Variants in SEMA3E observed in about 807,000 individuals in gnomAD.
The protein encoded by SEMA3E is semaphorin-3E.
Under a neutral mutation model 93.6 loss-of-function variants are expected in SEMA3E, and 49 were observed. The ratio of observed to expected loss-of-function variants is 0.52; its 90% CI spans 0.42 to 0.66. The LOEUF is 0.66. Ranked by LOEUF, SEMA3E falls within the 30% of genes least tolerant of loss-of-function variation. The pLI is 0.00. For missense variants in SEMA3E, 906 were observed against 964.8 expected (o/e 0.94, Z 0.81); for synonymous variants, 363 against 330.7 (o/e 1.10, Z -1.06).
At chr7:83,636,207 A>G (rs1170289656) in intron 1 of SEMA3E, among the ~76,000 whole-genome samples, 1 of 152,148 alleles carries the variant, frequency 6.6e-6, no homozygotes, top group African/African-American at 2.4e-5. Context: ...ATATTTTCTG[A>G]ATAATTTTAA....
At chr7:83,380,982 G>A (rs1787765167) in intron 16 of SEMA3E, among the ~76,000 whole-genome samples, 1 of 151,860 alleles carries the variant, frequency 6.6e-6, no homozygotes, top group African/African-American at 2.4e-5. Context: ...GGTCTTGAAG[G>A]CATGAACACA....
intron 1 of SEMA3E, among the ~76,000 whole-genome samples, chr7:83,560,099 G>A (rs1303165403): frequency 1.3e-5 from 2 of 151,976 alleles, no homozygotes; most frequent in East Asian, 1.9e-4. Flanking sequence ...AAAAGAGGAC[G>A]TTTAGGGAAG....
intron 1 of SEMA3E, among the ~76,000 whole-genome samples, chr7:83,509,577 A>G (rs933895476): frequency 5.9e-5 from 9 of 152,186 alleles, no homozygotes; most frequent in African/African-American, 2.2e-4. Context: ...ACCAACTTAT[A>G]TCTATGGTAA....
Position 83,400,197 on chromosome 7 carries a change from A to T in SEMA3E, c.1197T>A (p.Asp399Glu). ...GRYGTTKDYP[D>E]DAIRFARSHP... ...GACTTCTTGCAAATCGGATGGCATC[A>T]TCAGGATAGTCCTTGGTGGTTCCGT... Residue 399 changes from aspartate to glutamate, a missense_variant, in exon 11 of 17, where the codon GAT becomes GAA. Physicochemically the swap from Asp to Glu is conservative, Grantham distance 45 (BLOSUM62 2). Transcript: ENST00000643230. 1 of 1,614,038 alleles carries T rather than the reference A, an allele frequency of 6.2e-7. No homozygotes were observed. Among genetic ancestry groups the T allele is most frequent in the Non-Finnish European group, 8.5e-7 (1 of 1,179,946 alleles).
At position 83,394,216 on chromosome 7, in the gene SEMA3E, T is replaced by G. The variant is rs1232191809; in HGVS notation, c.1500+81A>C. ...TAAGTTCATATTTAAGCACATGTACTAATGTTCTCATATCCTTTGACCTTA... is the reference window on the plus strand; with the variant it reads ...TAAGTTCATATTTAAGCACATGTACGAATGTTCTCATATCCTTTGACCTTA... On this transcript the variant is annotated intron_variant, in intron 13 of 16. Transcript: ENST00000643230. 35 of 1,416,694 alleles carry G rather than the reference T, an allele frequency of 2.5e-5. No homozygotes were observed. In the South Asian group the frequency reaches 3.7e-4, roughly 15 times the overall value. The allele number at this position is 1,416,694 out of a possible 1,614,324, so 87.8% of individuals were successfully genotyped here.
chr7:83,495,132 G>A (rs565018635), intron 1 of SEMA3E, among the ~76,000 whole-genome samples: 3 of 151,724 alleles, frequency 2.0e-5, no homozygotes, highest in Non-Finnish European at 2.9e-5. Flanking sequence ...GCCTGCTGTC[G>A]ATAGCTTTTC....
chr7:83,438,812 T>C (rs1789054065), intron 4 of SEMA3E, among the ~76,000 whole-genome samples: 1 of 152,078 alleles, frequency 6.6e-6, no homozygotes, highest in Non-Finnish European at 1.5e-5. Context: ...ATAAAATGAG[T>C]AAACATTTAT....
At chr7:83,584,265 G>C (rs549886455) in intron 1 of SEMA3E, among the ~76,000 whole-genome samples, 1 of 151,898 alleles carries the variant, frequency 6.6e-6, no homozygotes, top group Non-Finnish European at 1.5e-5. Flanking sequence ...TGAGTATCTC[G>C]GAAGGAAGTT....
intron 1 of SEMA3E, among the ~76,000 whole-genome samples, chr7:83,585,528 A>C (rs1459559299): frequency 6.6e-6 from 1 of 152,152 alleles, no homozygotes; most frequent in Non-Finnish European, 1.5e-5. Flanking sequence ...ATATTACATG[A>C]AGAATTTATA....
intron 4 of SEMA3E, among the ~76,000 whole-genome samples, chr7:83,433,964 G>A (rs1474201703): frequency 1.3e-5 from 2 of 151,882 alleles, no homozygotes; most frequent in Non-Finnish European, 2.9e-5. Context: ...CATAGATTTT[G>A]TATTTCTATA....
intron 1 of SEMA3E, among the ~76,000 whole-genome samples, chr7:83,511,446 A>G (rs1790816682): frequency 6.6e-6 from 1 of 152,162 alleles, no homozygotes; most frequent in African/African-American, 2.4e-5. Flanking sequence ...TGAGCTTTTC[A>G]GAAGGTCTGA....
rs369194169 is a variant in SEMA3E, at chr7:83,385,130, T to C, written c.1875+164A>G. The stretch of plus-strand genomic sequence containing the variant: ...TCTATATGTATATATATTTAAATTA[T>C]TGTGTGTATATAAATCACACATAAC... On this transcript the variant is annotated intron_variant, in intron 16 of 16. Transcript: ENST00000643230. Among the ~76,000 whole-genome samples the C allele has an allele frequency of 2.6e-5, 4 of 151,370 alleles. No individual in the cohort carries two copies. The East Asian group carries it at 5.8e-4, about 22-fold the overall frequency.
chr7:83,424,810 C>T (rs193125211), intron 4 of SEMA3E: 73 of 171,768 alleles, frequency 4.2e-4, no homozygotes, highest in East Asian at 7.8e-4. Flanking sequence ...GAAAGCCAAC[C>T]GGGATGATGC....
At chr7:83,379,168 C>T (rs374325943) in intron 16 of SEMA3E, among the ~76,000 whole-genome samples, 2 of 151,644 alleles carry the variant, frequency 1.3e-5, no homozygotes, top group African/African-American at 2.4e-5. Flanking sequence ...ACTGCACTCT[C>T]ACTTATAAAT....
intron 1 of SEMA3E, among the ~76,000 whole-genome samples, chr7:83,636,593 T>A (rs1288652417): frequency 6.6e-6 from 1 of 152,160 alleles, no homozygotes; most frequent in Non-Finnish European, 1.5e-5. Context: ...ATTGTGAATT[T>A]GTAGTAATCA....
intron 1 of SEMA3E, among the ~76,000 whole-genome samples, chr7:83,565,215 T>TA (rs1231695324): frequency 2.0e-5 from 3 of 152,126 alleles, no homozygotes; most frequent in Middle Eastern, 3.2e-3. Context: ...TATGCAGCCA[T>TA]AAAAAACAAT....
Position 83,400,121 on chromosome 7 carries a change from C to T in SEMA3E, c.1273G>A (p.Val425Ile), listed in dbSNP as rs1279078088. Residue 425 changes from valine (V) to isoleucine (I), a missense_variant, in exon 11 of 17, where the codon GTA becomes ATA. Coordinates refer to ENST00000643230, the MANE Select transcript of SEMA3E (RefSeq NM_012431.3). The stretch of plus-strand genomic sequence containing the variant: ...AGGTTATATTTTCCATCTGTTTTTA[C>T]CAATATTGGTTTTTTATGGGCAGGT... ...IKPAHKKPIL[V>I]KTDGKYNLKQ... is the part of the protein sequence containing the mutation. 6.2e-7 allele frequency: 1 copy of T among 1,613,970 alleles called. No individual in the cohort carries two copies. The highest frequency in any genetic ancestry group is 1.7e-5 in the Admixed American group (1 of 59,986).
intron 1 of SEMA3E, among the ~76,000 whole-genome samples, chr7:83,605,875 A>G (rs1464128971): frequency 6.6e-6 from 1 of 152,008 alleles, no homozygotes; most frequent in Non-Finnish European, 1.5e-5. Flanking sequence ...GATTGCAAAC[A>G]TTTTTCTCCC....
intron 1 of SEMA3E, among the ~76,000 whole-genome samples, chr7:83,545,341 C>T (rs1471726571): frequency 2.6e-5 from 4 of 151,970 alleles, no homozygotes; most frequent in Non-Finnish European, 1.5e-5. Flanking sequence ...AGTCCCATTC[C>T]TATCCATTTT....
Sources: allele counts gnomAD v4.1 joint callset (sites outside exome capture counted in the v4.1 genomes callset), GRCh38; gene constraint gnomAD v4.1.1; transcripts MANE v1.5; gene names NCBI Gene and HGNC (gene_info 2026-07-23, HGNC 2026-07-21).